SEMA5A: variants seen among roughly 807,000 people sequenced by gnomAD.
The protein encoded by SEMA5A is semaphorin 5A, also known as semaphorin-5A.
In SEMA5A, 55 loss-of-function variants were observed where a neutral mutation model predicts 135.5. The observed-to-expected ratio is 0.41, with a 90% CI of 0.33 to 0.51. The LOEUF is 0.51. Among genes scored for constraint, SEMA5A ranks in the 20% least tolerant of loss-of-function variants. The probability of loss-of-function intolerance (pLI) is 0.37; values close to 1 mark genes in which losing one functional copy is unlikely to be tolerated. For synonymous variants in SEMA5A, 580 were observed against 546.5 expected, an observed-to-expected ratio of 1.06 and a Z score of -0.85; for missense variants, 1,290 against 1,419.9, an observed-to-expected ratio of 0.91 and a Z score of 1.47.
intron 16 of SEMA5A, among the ~76,000 whole-genome samples, chr5:9,092,251 C>T (rs1739075441): frequency 6.6e-6 from 1 of 152,188 alleles, no homozygotes; most frequent in Non-Finnish European, 1.5e-5. Context: ...GGAAATAAGA[C>T]TGTATTTGTC....
intron 1 of SEMA5A, among the ~76,000 whole-genome samples, chr5:9,477,148 C>T (rs201275588): frequency 3.5e-4 from 53 of 152,176 alleles, no homozygotes; most frequent in African/African-American, 1.3e-3. Context: ...CCATGTAAGA[C>T]GTGCCTCTTT....
chr5:9,068,270 G>A (rs1023674690), intron 16 of SEMA5A, among the ~76,000 whole-genome samples: 3 of 152,222 alleles, frequency 2.0e-5, no homozygotes, highest in African/African-American at 7.2e-5. Flanking sequence ...GCACAGAGAA[G>A]TCTGTAGACC....
intron 18 of SEMA5A, among the ~76,000 whole-genome samples, chr5:9,060,249 A>G (rs1737112004): frequency 6.6e-6 from 1 of 152,258 alleles, no homozygotes; most frequent in Non-Finnish European, 1.5e-5. Context: ...AAAGTTATGT[A>G]TACATGGTAT....
At chr5:9,435,236 T>C (rs923058365) in intron 2 of SEMA5A, among the ~76,000 whole-genome samples, 2 of 152,122 alleles carry the variant, frequency 1.3e-5, no homozygotes, top group Admixed American at 6.6e-5. Context: ...TACCCTAATA[T>C]ATATAAAAGG....
At chr5:9,398,068 A>C (rs1313846913) in intron 2 of SEMA5A, among the ~76,000 whole-genome samples, 7 of 152,212 alleles carry the variant, frequency 4.6e-5, no homozygotes, top group Admixed American at 4.6e-4. Flanking sequence ...GATATGCCCA[A>C]CTTCTCTACA....
At chr5:9,422,221 T>C (rs1473032281) in intron 2 of SEMA5A, 1 of 152,240 alleles carries the variant, frequency 6.6e-6, no homozygotes, top group Non-Finnish European at 1.5e-5. Flanking sequence ...ACACCATCAT[T>C]AACACAGTTG....
Position 9,039,567 on chromosome 5 carries a change from T to A in SEMA5A, c.*3330A>T, listed in dbSNP as rs1046241983. On this transcript the variant is annotated 3_prime_UTR_variant, in exon 23 of 23. Coordinates refer to ENST00000382496, the MANE Select transcript of SEMA5A (RefSeq NM_003966.3). The stretch of plus-strand genomic sequence containing the variant: ...AATGGTAACTCTAGTGAGAGCCTAC[T>A]TGAACAGGCTTAGGGAACCATCCCT... 6.6e-6 allele frequency: 1 copy of A among 152,260 alleles called. No individual in the cohort carries two copies. The highest frequency in any genetic ancestry group is 1.9e-4 in the East Asian group (1 of 5,202). The allele number at this position is 152,260 out of a possible 1,614,324, so 9.4% of individuals were successfully genotyped here. A position where few individuals can be genotyped will look rare whatever the true frequency, so the allele number is the denominator to read the frequency against.
chr5:9,441,668 A>T lies in SEMA5A; in HGVS notation c.-174-3816T>A, dbSNP rs552231644. Among the ~76,000 whole-genome samples, 5 of 152,314 alleles carry T rather than the reference A, an allele frequency of 3.3e-5. No individual in the cohort carries two copies. In the South Asian group the frequency reaches 1.0e-3, roughly 32 times the overall value. On this transcript the variant is annotated intron_variant, in intron 1 of 22. Coordinates refer to ENST00000382496, the MANE Select transcript of SEMA5A (RefSeq NM_003966.3). Reference sequence around the variant, plus strand: ...GTCCCTGGAGGAAGACAAGGAAGTAAACAGGAGGGTGGATTCCAGGTGGCA... The same window carrying T: ...GTCCCTGGAGGAAGACAAGGAAGTATACAGGAGGGTGGATTCCAGGTGGCA...
chr5:9,435,629 C>T (rs187285756), intron 2 of SEMA5A, among the ~76,000 whole-genome samples: 8 of 152,290 alleles, frequency 5.3e-5, no homozygotes, highest in Admixed American at 3.3e-4. Context: ...ATGAGGTCTT[C>T]GGCAGTGCAA....
At chr5:9,245,955 C>G (rs1200474651) in intron 5 of SEMA5A, among the ~76,000 whole-genome samples, 3 of 151,866 alleles carry the variant, frequency 2.0e-5, no homozygotes, top group Non-Finnish European at 4.4e-5. Flanking sequence ...ACGAATGAAC[C>G]CTGCTGGGAT....
intron 16 of SEMA5A, among the ~76,000 whole-genome samples, chr5:9,090,173 C>G (rs1738953369): frequency 6.6e-6 from 1 of 152,180 alleles, no homozygotes; most frequent in Non-Finnish European, 1.5e-5. Flanking sequence ...AAATAGGGCT[C>G]TCTGTGCCCA....
At chr5:9,393,704 G>A (rs1005768505) in intron 2 of SEMA5A, among the ~76,000 whole-genome samples, 2 of 152,104 alleles carry the variant, frequency 1.3e-5, no homozygotes, top group Non-Finnish European at 1.5e-5. Context: ...GGAAAGACAC[G>A]TCTAACAAAC....
intron 13 of SEMA5A, among the ~76,000 whole-genome samples, chr5:9,131,033 C>T (rs1741381777): frequency 1.3e-5 from 2 of 152,104 alleles, no homozygotes; most frequent in Non-Finnish European, 2.9e-5. Flanking sequence ...GAGGAGAATC[C>T]TGTTATTAGG....
intron 11 of SEMA5A, among the ~76,000 whole-genome samples, chr5:9,165,439 AT>A (rs1743550834): frequency 6.6e-6 from 1 of 152,206 alleles, no homozygotes; most frequent in Non-Finnish European, 1.5e-5. Context: ...AGTTTAAGGT[AT>A]TTTTAAAATT....
At chr5:9,503,303 A>T in intron 1 of SEMA5A, among the ~76,000 whole-genome samples, 1 of 152,242 alleles carries the variant, frequency 6.6e-6, no homozygotes, top group East Asian at 1.9e-4. Flanking sequence ...TGTGAGGTTC[A>T]GCAGGGAAGA....
intron 2 of SEMA5A, among the ~76,000 whole-genome samples, chr5:9,422,917 G>A (rs1265805729): frequency 6.6e-6 from 1 of 152,192 alleles, no homozygotes; most frequent in Non-Finnish European, 1.5e-5. Context: ...AGGATCAACT[G>A]TAAAATCATT....
intron 5 of SEMA5A, among the ~76,000 whole-genome samples, chr5:9,295,903 A>G (rs1000345598): frequency 6.6e-6 from 1 of 152,236 alleles, no homozygotes. Context: ...AGACGACCTG[A>G]GTGGAAATCA....
chr5:9,041,894 A>C lies in SEMA5A; in HGVS notation c.*1003T>G, dbSNP rs1027344552. 2.0e-5 allele frequency: 3 copies of C among 152,646 alleles called. No homozygotes were observed. The highest frequency in any genetic ancestry group is 7.2e-5 in the African/African-American group (3 of 41,450). The allele number at this position is 152,646 out of a possible 1,614,324, so 9.5% of individuals were successfully genotyped here. On this transcript the variant is annotated 3_prime_UTR_variant, in exon 23 of 23. Coordinates refer to ENST00000382496, the MANE Select transcript of SEMA5A (RefSeq NM_003966.3). ...AAATAAAATGATTATCATTAATATC[A>C]GTTCTTTCAATATTTTCAATAACAT...
chr5:9,272,112 T>A (rs1750006512), intron 5 of SEMA5A, among the ~76,000 whole-genome samples: 1 of 152,048 alleles, frequency 6.6e-6, no homozygotes, highest in Non-Finnish European at 1.5e-5. Context: ...TAAGATCTAC[T>A]GGCTGGAAAT....
Sources: allele counts gnomAD v4.1 joint callset (sites outside exome capture counted in the v4.1 genomes callset), GRCh38; gene constraint gnomAD v4.1.1; transcripts MANE v1.5; gene names NCBI Gene and HGNC (gene_info 2026-07-23, HGNC 2026-07-21).